Variants in CDKL4 observed in about 807,000 individuals in gnomAD.
The protein encoded by CDKL4 is cyclin-dependent kinase-like 4.
In CDKL4, 44 loss-of-function variants were observed where a neutral mutation model predicts 42.0. The ratio of observed to expected loss-of-function variants is 1.05; its 90% CI spans 0.82 to 1.35. CDKL4 has a LOEUF of 1.35. CDKL4 is among the 40% of genes most tolerant of loss of function. The pLI is 0.00. For synonymous variants in CDKL4, 120 were observed against 121.6 expected (o/e 0.99, Z 0.09); for missense variants, 393 against 369.9 (o/e 1.06, Z -0.51).
chr2:39,184,788 G>T, intron 7 of CDKL4, 141 bp from the exon 8 acceptor site: 1 of 596,682 alleles, frequency 1.7e-6, no homozygotes, highest in Non-Finnish European at 3.0e-6. Context: ...AGGCTGCAGT[G>T]CAGTGGCATG....
At chr2:39,220,418 CAG>C (rs1398167380) in intron 3 of CDKL4, among the ~76,000 whole-genome samples, 1 of 152,054 alleles carries the variant, frequency 6.6e-6, no homozygotes, top group Non-Finnish European at 1.5e-5. Flanking sequence ...CAAAGTGAAA[CAG>C]AGGAAGAGGA....
intron 8 of CDKL4, among the ~76,000 whole-genome samples, chr2:39,183,892 G>A (rs548582706): frequency 3.3e-5 from 5 of 152,080 alleles, no homozygotes; most frequent in Non-Finnish European, 7.4e-5. Flanking sequence ...ACCAGCACTC[G>A]CACAAAGGCT....
chr2:39,216,008 T>C (rs1677893662), intron 3 of CDKL4, among the ~76,000 whole-genome samples: 1 of 152,214 alleles, frequency 6.6e-6, no homozygotes, highest in African/African-American at 2.4e-5. Context: ...ACTTTCAAAA[T>C]ATGAGGCAGG....
Position 39,179,274 on chromosome 2 carries a change from GA to G in CDKL4, c.839del (p.Leu280ProfsTer55). 6.2e-7 allele frequency: 1 copy of G among 1,612,974 alleles called. No homozygotes were observed. On this transcript the variant is annotated frameshift_variant, in exon 9 of 10. Transcript: ENST00000451199. LOFTEE classifies it high-confidence loss of function. ...AAGAATCAAAGTAGGAGCTCTCCAGGAGTTGGGAACAGGTTAATCTGTCATC... is the reference window on the plus strand; with the variant it reads ...AAGAATCAAAGTAGGAGCTCTCCAGGGTTGGGAACAGGTTAATCTGTCATC...
At chr2:39,220,976 C>CTTTTTTTTTTTTTGTTGTTGTTGTTTT (rs1678289628) in intron 3 of CDKL4, among the ~76,000 whole-genome samples, 1 of 49,146 alleles carries the variant, frequency 2.0e-5, no homozygotes, top group African/African-American at 7.3e-5. Context: ...CATCGACGAT[C>CTTTTTTTTTTTTTGTTGTTGTTGTTTT]TTTTTTTTTT....
At chr2:39,185,406 GTATA>G (rs1302865920) in intron 7 of CDKL4, among the ~76,000 whole-genome samples, 1 of 14,484 alleles carries the variant, frequency 6.9e-5, no homozygotes, top group Non-Finnish European at 3.0e-4. Context: ...ATACATATGT[GTATA>G]TATACATATA....
chr2:39,181,684 T>A (rs1420314757), intron 8 of CDKL4, among the ~76,000 whole-genome samples: 3 of 152,132 alleles, frequency 2.0e-5, no homozygotes, highest in Non-Finnish European at 4.4e-5. Flanking sequence ...GGTTTCCTTA[T>A]AAGAAGAGGG....
chr2:39,241,475 G>C (rs370871874), intron 1 of CDKL4, among the ~76,000 whole-genome samples: 63 of 60,432 alleles, frequency 1.0e-3, no homozygotes, highest in African/African-American at 1.7e-3. Flanking sequence ...AACAGGATGA[G>C]ATATCATCCT....
chr2:39,193,226 A>G (rs1676297244), intron 5 of CDKL4, among the ~76,000 whole-genome samples: 1 of 149,730 alleles, frequency 6.7e-6, no homozygotes, highest in African/African-American at 2.4e-5. Flanking sequence ...TTGAGCCTAG[A>G]TATTCGAGAC....
chr2:39,188,826 A>ACT (rs1675999437), intron 6 of CDKL4, among the ~76,000 whole-genome samples: 1 of 152,104 alleles, frequency 6.6e-6, no homozygotes, highest in African/African-American at 2.4e-5. Flanking sequence ...AGTAGCTGGA[A>ACT]CTACAAGCAT....
At chr2:39,200,457 C>A (rs984886001) in intron 5 of CDKL4, among the ~76,000 whole-genome samples, 4 of 151,822 alleles carry the variant, frequency 2.6e-5, no homozygotes, top group Non-Finnish European at 4.4e-5. Context: ...CAAAATACCC[C>A]CATCATTCTT....
At chr2:39,174,967 C>G (rs536154331), downstream of CDKL4, among the ~76,000 whole-genome samples, 6 of 152,070 alleles carry the variant, frequency 3.9e-5, no homozygotes, top group East Asian at 1.2e-3. Context: ...TATGTATATA[C>G]GTATGTATGT....
At chr2:39,219,118 T>C (rs1285842840) in intron 3 of CDKL4, among the ~76,000 whole-genome samples, 1 of 152,242 alleles carries the variant, frequency 6.6e-6, no homozygotes, top group African/African-American at 2.4e-5. Context: ...GAACAGGACC[T>C]GGTACCTAAT....
At chr2:39,226,056 A>G (rs1678696682) in intron 2 of CDKL4, 96 bp from the exon 3 acceptor site, 2 of 1,266,132 alleles carry the variant, frequency 1.6e-6, no homozygotes, top group East Asian at 5.2e-5. Flanking sequence ...AAGAAATTTA[A>G]GATTCATCCA....
At chr2:39,209,311 C>G (rs1223326066) in intron 4 of CDKL4, among the ~76,000 whole-genome samples, 1 of 61,960 alleles carries the variant, frequency 1.6e-5, no homozygotes. Context: ...GATCCTGTCT[C>G]AGGAAGAAAA....
chr2:39,234,229 T>C (rs909569249), intron 1 of CDKL4, among the ~76,000 whole-genome samples: 2 of 152,076 alleles, frequency 1.3e-5, no homozygotes, highest in African/African-American at 4.8e-5. Flanking sequence ...TTCACTTTTT[T>C]CTTTTGGCTA....
downstream of CDKL4, among the ~76,000 whole-genome samples, chr2:39,173,352 TC>T (rs1412288495): frequency 1.3e-5 from 2 of 152,210 alleles, no homozygotes; most frequent in Non-Finnish European, 2.9e-5. Context: ...TTTCTCATTT[TC>T]TTTGCACCCG....
At chr2:39,208,754 G>T (rs1677378425) in intron 4 of CDKL4, among the ~76,000 whole-genome samples, 1 of 135,420 alleles carries the variant, frequency 7.4e-6, no homozygotes, top group Non-Finnish European at 1.5e-5. Context: ...AGATATCCAT[G>T]GTATTTTAAA....
rs1675747796 is a variant in CDKL4, at chr2:39,185,404, GTGTATATATACATA to G, written c.736-771_736-758del. Reference sequence around the variant, plus strand: ...TATATATACATGTATATATACATATGTGTATATATACATATATATATACATATGTATATATACAT... The same window carrying G: ...TATATATACATGTATATATACATATGTATATATACATATGTATATATACAT... On this transcript the variant is annotated intron_variant, in intron 7 of 9. Transcript: ENST00000451199. Among the ~76,000 whole-genome samples, 4 of 3,660 alleles carry G rather than the reference GTGTATATATACATA, an allele frequency of 1.1e-3. 1 individual carries two copies. The highest frequency in any genetic ancestry group is 5.6e-3 in the Non-Finnish European group (4 of 716). The allele number at this position is 3,660 out of a possible 152,430, so 2.4% of individuals were successfully genotyped here.
Sources: gnomAD v4.1 joint callset for allele counts (sites outside exome capture counted in the v4.1 genomes callset) on GRCh38, gnomAD v4.1.1 for gene constraint, MANE v1.5 for transcripts, NCBI Gene and HGNC (gene_info 2026-07-23, HGNC 2026-07-21) for gene names.